SPATA13: variants seen among roughly 807,000 people sequenced by gnomAD.
SPATA13 encodes the protein spermatogenesis associated 13.
In SPATA13, 50 loss-of-function variants were observed where a neutral mutation model predicts 104.0. The observed-to-expected ratio is 0.48, with a 90% CI of 0.38 to 0.61. SPATA13 has a LOEUF of 0.61. SPATA13 is among the 20% of genes least tolerant of loss of function. The pLI is 0.00. For synonymous variants in SPATA13, 606 were observed against 667.5 expected (o/e 0.91, Z 1.42); for missense variants, 1,524 against 1,690.6 (o/e 0.90, Z 1.73).
At chr13:24,043,215 G>A (rs991685821) in intron 3 of SPATA13, among the ~76,000 whole-genome samples, 8 of 152,172 alleles carry the variant, frequency 5.3e-5, no homozygotes, top group South Asian at 2.1e-4. Context: ...TAGCTGCCTC[G>A]CCTTGGACAT....
At chr13:24,053,413 G>T (rs1365272853) in intron 3 of SPATA13, among the ~76,000 whole-genome samples, 13 of 152,064 alleles carry the variant, frequency 8.5e-5, no homozygotes, top group Non-Finnish European at 2.9e-5. Flanking sequence ...ACAAAATTCG[G>T]GTAGAAATGA....
intron 2 of SPATA13, among the ~76,000 whole-genome samples, chr13:24,225,396 C>T (rs750232712): frequency 2.6e-5 from 4 of 152,284 alleles, no homozygotes; most frequent in South Asian, 4.1e-4. Flanking sequence ...ACGAGGGGAA[C>T]GTGGTGACGA....
In SPATA13 at chr13:24,286,880, G is replaced by T; in HGVS notation, c.2597G>T (p.Arg866Leu). The change falls in exon 7 of 13, where the codon CGG (arginine) becomes CTG (leucine). Residue 866 changes from arginine (R) to leucine (L), a missense_variant. Transcript: ENST00000382108. The surrounding 1 kb of genome is among the most constrained non-coding windows in gnomAD (Gnocchi z 4.9). ...HRHCENKQQM[R>L]TNVIREIMDT... The stretch of plus-strand genomic sequence containing the variant: ...CACTGTGAGAACAAGCAGCAGATGC[G>T]GACCAACGTCATCCGGGAGATCATG... The T allele has an allele frequency of 6.2e-7, 1 of 1,613,838 alleles. No individual in the cohort carries two copies. Among genetic ancestry groups the T allele is most frequent in the Non-Finnish European group, 8.5e-7 (1 of 1,180,006 alleles).
Position 24,297,396 on chromosome 13 carries a change from A to T in SPATA13, c.3244A>T (p.Ile1082Phe). The T allele has an allele frequency of 6.2e-7, 1 of 1,613,238 alleles. No homozygotes were observed. Among genetic ancestry groups the T allele is most frequent in the Non-Finnish European group, 8.5e-7 (1 of 1,179,456 alleles). The change falls in exon 11 of 13, where the codon ATT (isoleucine) becomes TTT (phenylalanine). Residue 1082 changes from isoleucine to phenylalanine, a missense_variant. Physicochemically the swap from Ile to Phe is conservative, Grantham distance 21 (BLOSUM62 0). Transcript: ENST00000382108. The part of the protein sequence containing the change: ...LDILDRSSEL[I>F]HSGELTKITK... ...TATCTTAGACCGAAGCTCAGAATTG[A>T]TTCATTCTGGGGAGCTGACCAAAAT...
chr13:24,160,670 G>A (rs1882431238), upstream of SPATA13: 20 of 970,968 alleles, frequency 2.1e-5, no homozygotes, highest in Non-Finnish European at 2.4e-5. Flanking sequence ...GGGAAGAGCC[G>A]GGCTGGGGGC....
intron 2 of SPATA13, among the ~76,000 whole-genome samples, chr13:24,008,372 T>G (rs1876322772): frequency 6.6e-6 from 1 of 152,208 alleles, no homozygotes; most frequent in Admixed American, 6.5e-5. Flanking sequence ...CCAGCTGGAA[T>G]GGCCAGGCCC....
intron 3 of SPATA13, among the ~76,000 whole-genome samples, chr13:24,155,658 A>T (rs1332486407): frequency 6.6e-6 from 1 of 152,174 alleles, no homozygotes; most frequent in Non-Finnish European, 1.5e-5. Context: ...CAGATTAGAA[A>T]ATGGGACATT....
intron 3 of SPATA13, among the ~76,000 whole-genome samples, chr13:24,064,991 C>CTA (rs1555258538): frequency 6.6e-6 from 1 of 151,858 alleles, no homozygotes; most frequent in Non-Finnish European, 1.5e-5. Flanking sequence ...TCACAGGCCA[C>CTA]AGGAGCCAGG....
chr13:23,986,589 G>A (rs1875157283), intron 2 of SPATA13, among the ~76,000 whole-genome samples: 1 of 152,186 alleles, frequency 6.6e-6, no homozygotes, highest in Admixed American at 6.5e-5. Context: ...AAGGATGATG[G>A]TATCTCCATT....
intron 3 of SPATA13, among the ~76,000 whole-genome samples, chr13:24,142,775 G>T (rs548123576): frequency 4.6e-5 from 7 of 150,992 alleles, no homozygotes; most frequent in African/African-American, 1.7e-4. Context: ...TTCTTTCTCA[G>T]GCATTTGGTA....
At chr13:24,221,980 T>C (rs1299286470) in intron 1 of SPATA13, among the ~76,000 whole-genome samples, 1 of 151,974 alleles carries the variant, frequency 6.6e-6, no homozygotes, top group Non-Finnish European at 1.5e-5. Context: ...GCCTGGCTAA[T>C]TTTTGAATTT....
At chr13:24,262,282 T>C (rs1179847251) in intron 4 of SPATA13, among the ~76,000 whole-genome samples, 1 of 151,814 alleles carries the variant, frequency 6.6e-6, no homozygotes, top group African/African-American at 2.4e-5. Context: ...TGTATTTTTT[T>C]TGTTTGTTTA....
At chr13:24,197,456 A>G (rs1870126848) in intron 1 of SPATA13, among the ~76,000 whole-genome samples, 1 of 152,226 alleles carries the variant, frequency 6.6e-6, no homozygotes, top group African/African-American at 2.4e-5. Flanking sequence ...GGATGTTGCC[A>G]CTGACTTAGT....
chr13:24,012,546 G>A (rs1876518562), intron 2 of SPATA13, among the ~76,000 whole-genome samples: 2 of 152,226 alleles, frequency 1.3e-5, no homozygotes, highest in African/African-American at 4.8e-5. Flanking sequence ...TTGGCCCTTC[G>A]AGTTGGCCAT....
chr13:24,118,844 G>A (rs546272389), intron 3 of SPATA13, among the ~76,000 whole-genome samples: 17 of 152,176 alleles, frequency 1.1e-4, no homozygotes, highest in African/African-American at 2.4e-4. Context: ...GCTGGTTCCC[G>A]TGTTCAGTAA....
chr13:24,000,642 G>T (rs1875917683), intron 2 of SPATA13, among the ~76,000 whole-genome samples: 1 of 152,244 alleles, frequency 6.6e-6, no homozygotes, highest in Non-Finnish European at 1.5e-5. Context: ...AGGGCAACAG[G>T]ACATGCAGAA....
intron 2 of SPATA13, among the ~76,000 whole-genome samples, chr13:24,002,128 T>G (rs1876004420): frequency 6.6e-6 from 1 of 152,034 alleles, no homozygotes. Flanking sequence ...AGGCATGGGC[T>G]TCAAAAAAGC....
At chr13:24,061,233 A>C (rs1192797103) in intron 3 of SPATA13, among the ~76,000 whole-genome samples, 1 of 152,170 alleles carries the variant, frequency 6.6e-6, no homozygotes, top group Non-Finnish European at 1.5e-5. Flanking sequence ...AGCTTCTTGC[A>C]AGGTTGTAGA....
rs1419290208 is a variant in SPATA13, at chr13:24,190,322, T to TAA, written c.-112+29390_-112+29391insAA. On this transcript the variant is annotated intron_variant, in intron 1 of 12. Transcript: ENST00000382108. ...ATATTATTATATATAATATATAATA[T>TAA]TATATATTATTATATATAATATATA... Among the ~76,000 whole-genome samples, 23 of 7,886 alleles carry TAA rather than the reference T, an allele frequency of 2.9e-3. 7 individuals are homozygous for TAA. Among genetic ancestry groups the TAA allele is most frequent in the Non-Finnish European group, 9.3e-3 (2 of 214 alleles). 5.2% of individuals were successfully genotyped at this position (7,886 alleles called of 152,430 possible).
Sources: allele counts gnomAD v4.1 joint callset (sites outside exome capture counted in the v4.1 genomes callset), GRCh38; gene constraint gnomAD v4.1.1; non-coding constraint Gnocchi (gnomAD v3.1); transcripts MANE v1.5; gene names NCBI Gene and HGNC (gene_info 2026-07-23, HGNC 2026-07-21).